The following CCDC180 variants were observed in gnomAD, a reference collection of about 807,000 sequenced individuals.
CCDC180 encodes the protein coiled-coil domain containing 180.
In CCDC180, 154 loss-of-function variants were observed where a neutral mutation model predicts 209.2. The ratio of observed to expected loss-of-function variants is 0.74; its 90% confidence interval spans 0.65 to 0.84. The LOEUF is 0.84. CCDC180 is among the 40% of genes least tolerant of loss of function. The pLI, the probability that CCDC180 is intolerant of heterozygous loss-of-function variation, is 0.00. For synonymous variants in CCDC180, 778 were observed against 749.1 expected, an observed-to-expected ratio of 1.04 and a Z score of -0.63; for missense variants, 1,874 against 1,997.3, an observed-to-expected ratio of 0.94 and a Z score of 1.18.
rs544228614 is a variant in CCDC180 at position 97,322,121 on chromosome 9, C to T, written c.1160-712C>T. 9.2e-5 allele frequency among the ~76,000 whole-genome samples: 14 copies of T among 152,274 alleles called. No individual in the cohort carries two copies. In the South Asian group the frequency reaches 2.9e-3, roughly 32 times the overall value. On this transcript the variant is annotated intron_variant, in intron 11 of 36. Coordinates refer to ENST00000529487, the MANE Select transcript of CCDC180 (RefSeq NM_020893.6). The stretch of plus-strand genomic sequence containing the variant: ...CTGGGAGAGCCCATCACAGTGGCCT[C>T]ACAGAAGGGTGTGGATACCTTGGCC...
intron 9 of CCDC180, among the ~76,000 whole-genome samples, chr9:97,318,077 A>G (rs917420230): frequency 6.6e-6 from 1 of 152,208 alleles, no homozygotes; most frequent in African/African-American, 2.4e-5. Flanking sequence ...AGGCACTATC[A>G]TGAGTTCCAT....
At chr9:97,312,981 T>G (rs1833040341) in intron 4 of CCDC180, among the ~76,000 whole-genome samples, 1 of 152,164 alleles carries the variant, frequency 6.6e-6, no homozygotes, top group Admixed American at 6.5e-5. Context: ...TCCATAGAAC[T>G]TTTTTTAAAA....
At chr9:97,340,698 G>A (rs568207911) in intron 18 of CCDC180, among the ~76,000 whole-genome samples, 15 of 152,308 alleles carry the variant, frequency 9.8e-5, no homozygotes, top group African/African-American at 3.4e-4. Flanking sequence ...TAGCGGTGAC[G>A]CCAGCATCTG....
intron 25 of CCDC180, among the ~76,000 whole-genome samples, chr9:97,359,517 C>G (rs1363876786): frequency 6.6e-6 from 1 of 152,116 alleles, no homozygotes; most frequent in Non-Finnish European, 1.5e-5. Flanking sequence ...GGGTGCTGCT[C>G]CGAGAGGGTG....
At position 97,361,834 on chromosome 9, in the gene CCDC180, C is replaced by T. The variant is rs896971616; in HGVS notation, c.3592C>T (p.Leu1198=). 5.0e-6 allele frequency: 8 copies of T among 1,614,064 alleles called. No individual in the cohort carries two copies. Among genetic ancestry groups the T allele is most frequent in the African/African-American group, 1.3e-5 (1 of 74,934 alleles). Residue 1198 remains leucine (L), a synonymous_variant, in exon 27 of 37, where the codon CTG becomes TTG. Coordinates refer to ENST00000529487, the MANE Select transcript of CCDC180 (RefSeq NM_020893.6). ...DVVTPESFTQ[L]SRVGKPLIED... Reference sequence around the variant, plus strand: ...GGTCACCCCTGAGTCCTTCACCCAGCTGAGCCGCGTGGGGAAGCCCCTGAT... The same window carrying T: ...GGTCACCCCTGAGTCCTTCACCCAGTTGAGCCGCGTGGGGAAGCCCCTGAT...
At chr9:97,340,389 A>G (rs983610159) in intron 18 of CCDC180, among the ~76,000 whole-genome samples, 1 of 152,218 alleles carries the variant, frequency 6.6e-6, no homozygotes, top group Non-Finnish European at 1.5e-5. Context: ...CAAGCCACCC[A>G]GGTGCCGAGG....
At chr9:97,329,931 G>A (rs1826663913) in intron 16 of CCDC180, among the ~76,000 whole-genome samples, 1 of 152,100 alleles carries the variant, frequency 6.6e-6, no homozygotes, top group Non-Finnish European at 1.5e-5. Flanking sequence ...AGCCAGGCGT[G>A]GTGGCTGGCG....
At chr9:97,372,905 G>A (rs1288542535) in intron 34 of CCDC180, 1 of 152,214 alleles carries the variant, frequency 6.6e-6, no homozygotes, top group Non-Finnish European at 1.5e-5. Context: ...ATGCATAAAT[G>A]AGGGTGCCAG....
At chr9:97,327,801 C>T (rs1833583715) in intron 15 of CCDC180, among the ~76,000 whole-genome samples, 1 of 152,120 alleles carries the variant, frequency 6.6e-6, no homozygotes, top group South Asian at 2.1e-4. Context: ...GCTCATGTTA[C>T]AAGCAGAAAA....
chr9:97,333,508 T>TG (rs1554729204), intron 18 of CCDC180, among the ~76,000 whole-genome samples: 2,669 of 69,064 alleles, frequency 0.039, 222 homozygotes, highest in African/African-American at 0.17. Context: ...TTTGGGTTTT[T>TG]TTTTTTTTTT....
intron 25 of CCDC180, among the ~76,000 whole-genome samples, chr9:97,359,274 C>T (rs537164570): frequency 8.5e-5 from 13 of 152,350 alleles, no homozygotes; most frequent in Non-Finnish European, 1.6e-4. Context: ...CTCACATCCT[C>T]GCCTCCCAAC....
intron 5 of CCDC180, among the ~76,000 whole-genome samples, chr9:97,313,703 G>A (rs555739213): frequency 1.1e-4 from 17 of 152,290 alleles, no homozygotes; most frequent in Non-Finnish European, 2.4e-4. Flanking sequence ...CTGATGAAGG[G>A]CAGAATGGCA....
intron 18 of CCDC180, among the ~76,000 whole-genome samples, chr9:97,338,193 C>T (rs1825967543): frequency 1.3e-5 from 2 of 152,050 alleles, no homozygotes; most frequent in Non-Finnish European, 2.9e-5. Flanking sequence ...CTATTTCTTG[C>T]CTTCTGCTAG....
At chr9:97,329,754 G>A (rs931393157) in intron 16 of CCDC180, among the ~76,000 whole-genome samples, 1 of 152,154 alleles carries the variant, frequency 6.6e-6, no homozygotes, top group African/African-American at 2.4e-5. Context: ...TAAAGGGGAG[G>A]GATGGGTCCT....
intron 22 of CCDC180, among the ~76,000 whole-genome samples, chr9:97,351,361 G>T (rs1425445587): frequency 6.6e-6 from 1 of 152,136 alleles, no homozygotes; most frequent in Non-Finnish European, 1.5e-5. Flanking sequence ...CTGTTAATGG[G>T]CGTGAGGTGT....
At chr9:97,371,173 C>G (rs1827091607) in intron 33 of CCDC180, 1 of 165,694 alleles carries the variant, frequency 6.0e-6, no homozygotes, top group Admixed American at 5.9e-5. Context: ...ACCGTGTTAG[C>G]CAGGATGGTC....
At position 97,365,758 on chromosome 9, in the gene CCDC180, G is replaced by A; in HGVS notation, c.4047+19G>A. On this transcript the variant is annotated intron_variant, in intron 30 of 36. Coordinates refer to ENST00000529487, the MANE Select transcript of CCDC180 (RefSeq NM_020893.6). Reference sequence around the variant, plus strand: ...CGCAGAGGTGAGGACCACCACCCATGGCCTGTGCCTGCCCTGGAAACCACG... The same window carrying A: ...CGCAGAGGTGAGGACCACCACCCATAGCCTGTGCCTGCCCTGGAAACCACG... 1 of 1,612,188 alleles carries A rather than the reference G, an allele frequency of 6.2e-7. No homozygotes were observed. Among genetic ancestry groups the A allele is most frequent in the East Asian group, 2.2e-5 (1 of 44,870 alleles).
chr9:97,374,443 G>C, intron 34 of CCDC180, 100 bp from the exon 35 acceptor site: 1 of 829,968 alleles, frequency 1.2e-6, no homozygotes, highest in South Asian at 1.7e-5. Context: ...GTGGGAGGAG[G>C]GGTGCCAGTC....
chr9:97,330,066 C>CAAA lies in CCDC180; in HGVS notation c.1789-67_1789-65dup, dbSNP rs34372293. The CAAA allele has an allele frequency of 2.7e-3, 1,554 of 580,586 alleles. 13 individuals are homozygous for CAAA. Among genetic ancestry groups the CAAA allele is most frequent in the African/African-American group, 0.021 (677 of 31,560 alleles). The allele number at this position is 580,586 out of a possible 1,614,324, so 36.0% of individuals were successfully genotyped here. On this transcript the variant is annotated intron_variant, in intron 16 of 36. Transcript: ENST00000529487. ...CTTGGCAACAGAGCCAGACTCCTCTCAAAAAAAAAAAAAAAAAAAAAAAGG... is the reference window on the plus strand; with the variant it reads ...CTTGGCAACAGAGCCAGACTCCTCTCAAAAAAAAAAAAAAAAAAAAAAAAAAGG...
Sources: gnomAD v4.1 joint callset for allele counts (sites outside exome capture counted in the v4.1 genomes callset) on GRCh38, gnomAD v4.1.1 for gene constraint, MANE v1.5 for transcripts, NCBI Gene and HGNC (gene_info 2026-07-23, HGNC 2026-07-21) for gene names.